CDC42SE2: variants seen among roughly 807,000 people sequenced by gnomAD.
The protein encoded by CDC42SE2 is CDC42 small effector 2.
Under a neutral mutation model 11.5 loss-of-function variants are expected in CDC42SE2, and 3 were observed. That is an observed-to-expected ratio of 0.26 (90% CI 0.12 to 0.67). The LOEUF (loss-of-function observed/expected upper bound fraction) is 0.67. Among genes scored for constraint, CDC42SE2 ranks in the 30% least tolerant of loss-of-function variants. The probability of loss-of-function intolerance (pLI) is 0.80; values close to 1 mark genes in which losing one functional copy is unlikely to be tolerated. For synonymous variants in CDC42SE2, 33 were observed against 34.8 expected (o/e 0.95, Z 0.18); for missense variants, 82 against 106.8 (o/e 0.77, Z 1.02).
At chr5:131,323,208 T>C (rs1349156889) in intron 2 of CDC42SE2, among the ~76,000 whole-genome samples, 1 of 150,866 alleles carries the variant, frequency 6.6e-6, no homozygotes, top group African/African-American at 2.4e-5. Flanking sequence ...TTTTTTTTAG[T>C]AGAGACAGTG....
At chr5:131,322,297 TC>T (rs2149734832) in intron 2 of CDC42SE2, among the ~76,000 whole-genome samples, 1 of 152,336 alleles carries the variant, frequency 6.6e-6, no homozygotes, top group South Asian at 2.1e-4. Context: ...AAACTGAAAC[TC>T]TGTACCCATT....
chr5:131,304,083 C>G (rs1219486834), intron 1 of CDC42SE2, among the ~76,000 whole-genome samples: 1 of 151,958 alleles, frequency 6.6e-6, no homozygotes. Flanking sequence ...CCTCAGCCTT[C>G]CAAGTAGCTG....
At chr5:131,287,543 G>C (rs1452970479) in intron 1 of CDC42SE2, among the ~76,000 whole-genome samples, 1 of 151,162 alleles carries the variant, frequency 6.6e-6, no homozygotes, top group Non-Finnish European at 1.5e-5. Context: ...TCTCACTGCA[G>C]CCTCAACTTC....
At chr5:131,278,918 GA>G (rs1757173301) in intron 1 of CDC42SE2, among the ~76,000 whole-genome samples, 2 of 147,916 alleles carry the variant, frequency 1.4e-5, no homozygotes, top group African/African-American at 2.5e-5. Context: ...CCGAGTAGGT[GA>G]GACTACAGGT....
chr5:131,251,873 A>G (rs930607437), intron 1 of CDC42SE2, among the ~76,000 whole-genome samples: 1 of 152,096 alleles, frequency 6.6e-6, no homozygotes, highest in Admixed American at 6.6e-5. Flanking sequence ...TTAACTGAGC[A>G]TGGTGGCACA....
intron 2 of CDC42SE2, among the ~76,000 whole-genome samples, chr5:131,356,915 AT>A (rs1166599169): frequency 2.2e-4 from 34 of 151,138 alleles, no homozygotes; most frequent in Non-Finnish European, 1.8e-4. Flanking sequence ...CTGAAAAAAA[AT>A]TTTTTTTTTA....
chr5:131,373,487 A>G (rs1407197542), intron 3 of CDC42SE2, among the ~76,000 whole-genome samples: 2 of 152,186 alleles, frequency 1.3e-5, no homozygotes, highest in South Asian at 2.1e-4. Context: ...TAGAGAGCCT[A>G]CTGCCATCAC....
upstream of CDC42SE2, among the ~76,000 whole-genome samples, chr5:131,262,955 ATT>A (rs10708076): frequency 3.5e-4 from 51 of 147,344 alleles, no homozygotes; most frequent in African/African-American, 6.0e-4. Flanking sequence ...AAGATGGAGA[ATT>A]TTTTTTTTTT....
chr5:131,312,334 G>C (rs965246686), intron 1 of CDC42SE2, among the ~76,000 whole-genome samples: 2 of 152,172 alleles, frequency 1.3e-5, no homozygotes, highest in Non-Finnish European at 2.9e-5. Context: ...GGGAGTGCCA[G>C]TGCTCTCTTC....
chr5:131,292,913 A>ACAAAC (rs1382895331), intron 1 of CDC42SE2, among the ~76,000 whole-genome samples: 4 of 50,710 alleles, frequency 7.9e-5, no homozygotes, highest in African/African-American at 1.5e-4. Context: ...TCTCAAAAAA[A>ACAAAC]AAAAAAAAAA....
chr5:131,289,887 T>G (rs1304663095), intron 1 of CDC42SE2, among the ~76,000 whole-genome samples: 2 of 152,086 alleles, frequency 1.3e-5, no homozygotes, highest in African/African-American at 4.8e-5. Context: ...TCACCTAAGC[T>G]GTAGTAGAGT....
At chr5:131,337,900 T>C (rs542930803) in intron 2 of CDC42SE2, among the ~76,000 whole-genome samples, 1 of 152,366 alleles carries the variant, frequency 6.6e-6, no homozygotes, top group East Asian at 1.9e-4. Context: ...GGGAATTCCC[T>C]GACCCCTTGC....
intron 1 of CDC42SE2, among the ~76,000 whole-genome samples, chr5:131,270,305 G>A (rs566629128): frequency 2.6e-5 from 4 of 152,186 alleles, no homozygotes; most frequent in African/African-American, 9.6e-5. Flanking sequence ...GACCCGGGAG[G>A]CAGAGCTTGC....
Position 131,391,041 on chromosome 5 carries a change from G to A in CDC42SE2, c.205G>A (p.Gly69Arg), listed in dbSNP as rs1380749306. 6.2e-7 allele frequency: 1 copy of A among 1,613,254 alleles called. No homozygotes were observed. Among genetic ancestry groups the A allele is most frequent in the African/African-American group, 1.3e-5 (1 of 74,906 alleles). Residue 69 changes from glycine (G) to arginine (R), a missense_variant, in exon 5 of 5, where the codon GGA becomes AGA. Gly to Arg is a moderately radical substitution (Grantham distance 125). Transcript: ENST00000505065. ...QMQSKGGYGG[G>R]MPANVQMQLV... ...GCAGTCCAAGGGAGGTTATGGAGGT[G>A]GAATGCCTGCCAATGTCCAGATGCA...
chr5:131,329,729 A>G (rs1167641801), intron 2 of CDC42SE2, among the ~76,000 whole-genome samples: 1 of 151,604 alleles, frequency 6.6e-6, no homozygotes, highest in Non-Finnish European at 1.5e-5. Flanking sequence ...AAATACAAAA[A>G]TTAACTGGGC....
At position 131,248,585 on chromosome 5, in the gene CDC42SE2, C is replaced by G. The variant is rs1396689609; in HGVS notation, n.107+2986C>G. Among the ~76,000 whole-genome samples the G allele has an allele frequency of 2.0e-5, 3 of 152,118 alleles. No individual in the cohort carries two copies. The East Asian group carries it at 5.8e-4, about 29-fold the overall frequency. On this transcript the variant is annotated intron_variant and non_coding_transcript_variant, in intron 1 of 3. Transcript: ENST00000502840. ...TATTTGTGGTTGATATGATTCTTTA[C>G]CTAGAAAACCCCAAATAATCTTCAA...
At chr5:131,211,266 C>T in the CDC42SE2 span, among the ~76,000 whole-genome samples, 1 of 152,200 alleles carries the variant, frequency 6.6e-6, no homozygotes, top group Non-Finnish European at 1.5e-5. Context: ...GTCTAATCAG[C>T]TGTTTATCCA....
chr5:131,216,514 A>AAAAAAAAACAAAAC, the CDC42SE2 span, among the ~76,000 whole-genome samples: 1 of 149,146 alleles, frequency 6.7e-6, no homozygotes. Flanking sequence ...AAAAAAAAAA[A>AAAAAAAAACAAAAC]AAAAAAAACA....
intron 2 of CDC42SE2, among the ~76,000 whole-genome samples, chr5:131,347,892 C>T (rs976990883): frequency 1.3e-5 from 2 of 152,050 alleles, no homozygotes; most frequent in African/African-American, 4.8e-5. Flanking sequence ...GAACCAAAGA[C>T]AAAAACATGA....
Sources: gnomAD v4.1 joint callset for allele counts (sites outside exome capture counted in the v4.1 genomes callset) on GRCh38, gnomAD v4.1.1 for gene constraint, MANE v1.5 for transcripts, NCBI Gene and HGNC (gene_info 2026-07-23, HGNC 2026-07-21) for gene names.